The following MRPS6 variants were observed in gnomAD, a reference collection of about 807,000 sequenced individuals.
MRPS6 encodes small ribosomal subunit protein bS6m.
In MRPS6, 6 loss-of-function variants were observed where a neutral mutation model predicts 13.1. The observed-to-expected ratio is 0.46, with a 90% confidence interval of 0.25 to 0.91. The LOEUF (loss-of-function observed/expected upper bound fraction) is 0.91, where lower values mean the gene tolerates loss of function less well. Among genes scored for constraint, MRPS6 ranks in the 40% least tolerant of loss-of-function variants. The pLI, the probability that MRPS6 is intolerant of heterozygous loss-of-function variation, is 0.18. For synonymous variants in MRPS6, 61 were observed against 56.5 expected (o/e 1.08, Z -0.36); for missense variants, 164 against 155.6 (o/e 1.05, Z -0.29).
chr21:34,141,072 T>G (rs939323801), intron 2 of MRPS6, among the ~76,000 whole-genome samples: 1 of 152,254 alleles, frequency 6.6e-6, no homozygotes. Context: ...CCTTCCTTGC[T>G]GAATTTGTTC....
intron 2 of MRPS6, among the ~76,000 whole-genome samples, chr21:34,127,349 A>G (rs9980699): frequency 0.021 from 3,271 of 152,262 alleles, 127 homozygotes; most frequent in African/African-American, 0.073. Flanking sequence ...CTGAAACGCT[A>G]ATTCCGTAGA....
chr21:34,090,516 A>G (rs970973113), intron 1 of MRPS6, among the ~76,000 whole-genome samples: 2 of 152,236 alleles, frequency 1.3e-5, no homozygotes, highest in African/African-American at 4.8e-5. Context: ...AGAGAGCTGC[A>G]TCTTTAATGC....
intron 2 of MRPS6, among the ~76,000 whole-genome samples, chr21:34,129,857 G>A (rs1424757415): frequency 6.6e-6 from 1 of 152,198 alleles, no homozygotes; most frequent in Non-Finnish European, 1.5e-5. Context: ...AGTGCCCCAA[G>A]ATTTGTAAGG....
chr21:34,092,775 G>A lies in MRPS6; in HGVS notation c.45+19030G>A, dbSNP rs116101361. Among the ~76,000 whole-genome samples the A allele has an allele frequency of 2.0e-3, 309 of 152,124 alleles. 1 individual carries two copies. The highest frequency in any genetic ancestry group is 6.9e-3 in the African/African-American group (287 of 41,472). On this transcript the variant is annotated intron_variant, in intron 1 of 2. Coordinates refer to ENST00000399312, the MANE Select transcript of MRPS6 (RefSeq NM_032476.4). ...TAACCCACCCTATTTCCCCCCCAAC[G>A]GCCAGATGAAACCAGAAATACCCAC...
At chr21:34,093,205 A>G (rs1180251824) in intron 1 of MRPS6, among the ~76,000 whole-genome samples, 1 of 151,250 alleles carries the variant, frequency 6.6e-6, no homozygotes. Context: ...AGGATTTGGC[A>G]GGTATGAAGT....
At position 34,096,599 on chromosome 21, in the gene MRPS6, A is replaced by G. The variant is rs763361171; in HGVS notation, c.45+22854A>G. On this transcript the variant is annotated intron_variant, in intron 1 of 2. Coordinates refer to ENST00000399312, the MANE Select transcript of MRPS6 (RefSeq NM_032476.4). This position sits in a 1 kb window ranked among gnomAD's most constrained non-coding sequence, Gnocchi z 5.9. The stretch of plus-strand genomic sequence containing the variant: ...CAATTTTCTGGAAGCGCTGCAATGA[A>G]CAAGGGGCTTTCTATGGTGGAATGG... 8 of 1,614,112 alleles carry G rather than the reference A, an allele frequency of 5.0e-6. No individual in the cohort carries two copies. The highest frequency in any genetic ancestry group is 1.7e-5 in the Admixed American group (1 of 60,018).
chr21:34,103,538 TA>T, intron 1 of MRPS6: 4 of 1,000,156 alleles, frequency 4.0e-6, no homozygotes, highest in Non-Finnish European at 4.8e-6. Flanking sequence ...CAACAGTTTA[TA>T]TTCCATGATA....
chr21:34,119,116 C>T (rs1980031789), intron 1 of MRPS6, among the ~76,000 whole-genome samples: 2 of 152,174 alleles, frequency 1.3e-5, no homozygotes, highest in African/African-American at 4.8e-5. Flanking sequence ...ACCTAGAGGA[C>T]TGAAACTCCT....
At chr21:34,102,044 G>A in intron 1 of MRPS6, 2 of 1,000,148 alleles carry the variant, frequency 2.0e-6, no homozygotes, top group Non-Finnish European at 2.4e-6. Context: ...TATGAGGCTG[G>A]ATTGTGAAAA....
chr21:34,112,824 C>G (rs576207429), intron 1 of MRPS6, among the ~76,000 whole-genome samples: 1 of 152,140 alleles, frequency 6.6e-6, no homozygotes, highest in African/African-American at 2.4e-5. Context: ...CTTTCTTTGC[C>G]TGTCTTATTT....
At chr21:34,097,720 T>C (rs1979035685) in intron 1 of MRPS6, 1 of 1,010,024 alleles carries the variant, frequency 9.9e-7, no homozygotes, top group Non-Finnish European at 1.2e-6. Flanking sequence ...TACCCTGAAG[T>C]AGAAGATTTG....
intron 1 of MRPS6, chr21:34,098,211 G>T (rs1294037329): frequency 2.0e-6 from 2 of 999,190 alleles, no homozygotes; most frequent in Admixed American, 1.2e-4. Context: ...ATTAACTTAT[G>T]CTAATCAGAT....
chr21:34,107,899 TTAG>T (rs1430794872), intron 1 of MRPS6, among the ~76,000 whole-genome samples: 3 of 152,208 alleles, frequency 2.0e-5, no homozygotes, highest in Admixed American at 1.3e-4. Flanking sequence ...GATTGGGCAT[TTAG>T]TAGAGTGGCT....
At chr21:34,101,026 C>T in intron 1 of MRPS6, 1 of 1,000,108 alleles carries the variant, frequency 1.0e-6, no homozygotes, top group Non-Finnish European at 1.2e-6. Flanking sequence ...TTGGTGGTGA[C>T]ACCTCACTGT....
At chr21:34,107,741 G>C (rs1207094755) in intron 1 of MRPS6, among the ~76,000 whole-genome samples, 1 of 152,116 alleles carries the variant, frequency 6.6e-6, no homozygotes, top group Non-Finnish European at 1.5e-5. Context: ...TCATTATTTT[G>C]CTTAGATGTT....
chr21:34,098,162 ATATAGTTT>A, intron 1 of MRPS6: 11 of 1,000,068 alleles, frequency 1.1e-5, no homozygotes, highest in Non-Finnish European at 1.3e-5. Context: ...AAGGTTGTTT[ATATAGTTT>A]GGAAATGACC....
At chr21:34,088,003 T>A (rs1169663782) in intron 1 of MRPS6, among the ~76,000 whole-genome samples, 1 of 152,134 alleles carries the variant, frequency 6.6e-6, no homozygotes, top group South Asian at 2.1e-4. Context: ...ATGGGGAGGA[T>A]TGAGAGTAGA....
intron 1 of MRPS6, chr21:34,103,998 T>G: frequency 3.0e-6 from 3 of 1,000,202 alleles, no homozygotes; most frequent in Non-Finnish European, 3.6e-6. Context: ...TCTTAAATCT[T>G]TTAGGAAATA....
intron 1 of MRPS6, among the ~76,000 whole-genome samples, chr21:34,086,470 T>C (rs915482604): frequency 1.3e-5 from 2 of 152,132 alleles, no homozygotes; most frequent in Non-Finnish European, 2.9e-5. Context: ...TCCTTTTGCA[T>C]CAGTTAGCTG....
Sources: gnomAD v4.1 joint callset for allele counts (sites outside exome capture counted in the v4.1 genomes callset) on GRCh38, gnomAD v4.1.1 for gene constraint, Gnocchi (gnomAD v3.1) non-coding constraint, MANE v1.5 for transcripts, NCBI Gene and HGNC (gene_info 2026-07-23, HGNC 2026-07-21) for gene names.